Variants in TAFA2 observed in about 807,000 individuals in gnomAD.
The protein encoded by TAFA2 is chemokine-like protein TAFA-2.
In TAFA2, 7 loss-of-function variants were observed where a neutral mutation model predicts 18.8. The observed-to-expected ratio is 0.37, with a 90% CI of 0.21 to 0.70. The LOEUF (loss-of-function observed/expected upper bound fraction) is 0.70. TAFA2 is among the 30% of genes least tolerant of loss of function. TAFA2 has a pLI of 0.53. For missense variants in TAFA2, 122 were observed against 158.1 expected, an observed-to-expected ratio of 0.77 and a Z score of 1.23; for synonymous variants, 60 against 54.2, an observed-to-expected ratio of 1.11 and a Z score of -0.47.
At chr12:62,181,886 A>T (rs1379155567) in intron 1 of TAFA2, among the ~76,000 whole-genome samples, 1 of 152,182 alleles carries the variant, frequency 6.6e-6, no homozygotes, top group Non-Finnish European at 1.5e-5. Context: ...ATGGAAAGTT[A>T]TTTAAGATTA....
In TAFA2 at chr12:62,037,079, C is replaced by T. The variant is rs189294278; in HGVS notation, c.-2+154180G>A. Among the ~76,000 whole-genome samples, 44 of 152,272 alleles carry T rather than the reference C, an allele frequency of 2.9e-4. No individual in the cohort carries two copies. The East Asian group carries it at 7.9e-3, about 27-fold the overall frequency. ...CCTGGATGAGCTCCTAAAACATTTGCTATGTACCTGCTTATTTAAAGTAAG... is the reference window on the plus strand; with the variant it reads ...CCTGGATGAGCTCCTAAAACATTTGTTATGTACCTGCTTATTTAAAGTAAG... On this transcript the variant is annotated intron_variant, in intron 1 of 4. Coordinates refer to ENST00000416284, the MANE Select transcript of TAFA2 (RefSeq NM_178539.5).
intron 1 of TAFA2, among the ~76,000 whole-genome samples, chr12:62,232,673 G>A (rs148126630): frequency 2.6e-4 from 40 of 152,110 alleles, no homozygotes; most frequent in South Asian, 1.0e-3. Flanking sequence ...CATCATGCCC[G>A]GCTAATTTTT....
rs186310200 is a variant in TAFA2 at position 61,967,211 on chromosome 12, T to A, written c.-1-99785A>T. 2.0e-5 allele frequency among the ~76,000 whole-genome samples: 3 copies of A among 151,900 alleles called. No individual in the cohort carries two copies. The East Asian group carries it at 5.9e-4, about 30-fold the overall frequency. ...TACTTTTCTGTAACCAGGCAAAAATTAATTCAACCAAGAGATACTGATTCA... is the reference window on the plus strand; with the variant it reads ...TACTTTTCTGTAACCAGGCAAAAATAAATTCAACCAAGAGATACTGATTCA... On this transcript the variant is annotated intron_variant, in intron 1 of 4. Coordinates refer to ENST00000416284, the MANE Select transcript of TAFA2 (RefSeq NM_178539.5).
At chr12:61,985,349 C>T (rs1248836848) in intron 1 of TAFA2, among the ~76,000 whole-genome samples, 2 of 152,154 alleles carry the variant, frequency 1.3e-5, no homozygotes, top group East Asian at 3.9e-4. Flanking sequence ...CCATAAAGGA[C>T]AAACGATTAA....
intron 1 of TAFA2, among the ~76,000 whole-genome samples, chr12:62,133,371 C>T (rs1870765576): frequency 6.6e-6 from 1 of 151,952 alleles, no homozygotes; most frequent in Non-Finnish European, 1.5e-5. Context: ...AAGGTCAACT[C>T]AGTGAGCACA....
intron 4 of TAFA2, among the ~76,000 whole-genome samples, chr12:61,713,682 C>G (rs1346934777): frequency 6.6e-6 from 1 of 151,914 alleles, no homozygotes; most frequent in East Asian, 1.9e-4. Context: ...TATGCAAGGT[C>G]CAAATACTAT....
intron 1 of TAFA2, among the ~76,000 whole-genome samples, chr12:62,187,857 G>C (rs1422862979): frequency 6.6e-6 from 1 of 152,120 alleles, no homozygotes; most frequent in Non-Finnish European, 1.5e-5. Flanking sequence ...AAGACTAATG[G>C]TAACTCAGTG....
At chr12:61,714,197 G>C (rs938299874) in intron 4 of TAFA2, among the ~76,000 whole-genome samples, 14 of 152,138 alleles carry the variant, frequency 9.2e-5, no homozygotes, top group African/African-American at 3.4e-4. Context: ...CCCTATGATT[G>C]TTATGGTTAT....
chr12:62,170,411 A>T (rs1293866575), intron 1 of TAFA2, among the ~76,000 whole-genome samples: 1 of 152,188 alleles, frequency 6.6e-6, no homozygotes, highest in East Asian at 1.9e-4. Flanking sequence ...TTGCCAAGAC[A>T]TGAAAGAAAT....
intron 1 of TAFA2, among the ~76,000 whole-genome samples, chr12:62,132,715 G>C (rs187678495): frequency 6.6e-6 from 1 of 151,964 alleles, no homozygotes; most frequent in East Asian, 1.9e-4. Context: ...CAGGTGATAA[G>C]GCATGTTGCA....
chr12:61,754,254 T>C (rs564200943), intron 3 of TAFA2, among the ~76,000 whole-genome samples: 1 of 152,096 alleles, frequency 6.6e-6, no homozygotes, highest in Admixed American at 6.6e-5. Flanking sequence ...TTTTTAACTG[T>C]GTGCTATAAC....
intron 1 of TAFA2, among the ~76,000 whole-genome samples, chr12:62,008,874 G>A (rs1479435642): frequency 1.3e-5 from 2 of 152,178 alleles, no homozygotes; most frequent in Non-Finnish European, 2.9e-5. Flanking sequence ...AAAGAAAATT[G>A]TTGGGTCGAA....
intron 1 of TAFA2, among the ~76,000 whole-genome samples, chr12:62,037,706 C>A (rs574296432): frequency 6.6e-6 from 1 of 152,160 alleles, no homozygotes; most frequent in South Asian, 2.1e-4. Flanking sequence ...CAATGCACAC[C>A]AAAACTTAAG....
intron 1 of TAFA2, among the ~76,000 whole-genome samples, chr12:62,249,247 G>A (rs1225997445): frequency 1.4e-5 from 2 of 144,506 alleles, no homozygotes; most frequent in Admixed American, 7.2e-5. Context: ...AAACAACTTA[G>A]GGACTGCTCC....
intron 1 of TAFA2, among the ~76,000 whole-genome samples, chr12:61,934,783 T>C (rs1348959317): frequency 6.6e-6 from 1 of 152,192 alleles, no homozygotes; most frequent in African/African-American, 2.4e-5. Context: ...GTTTATCACA[T>C]AGTGAATCCA....
chr12:62,240,367 C>T (rs1410266765), intron 1 of TAFA2, among the ~76,000 whole-genome samples: 2 of 150,986 alleles, frequency 1.3e-5, no homozygotes, highest in African/African-American at 2.4e-5. Flanking sequence ...TGCAGTGAGC[C>T]GAGATAGCGC....
chr12:61,896,670 G>C (rs1875859489), intron 1 of TAFA2, among the ~76,000 whole-genome samples: 1 of 152,128 alleles, frequency 6.6e-6, no homozygotes, highest in Non-Finnish European at 1.5e-5. Context: ...TGATTTATTT[G>C]ATTTACTTTA....
chr12:61,977,243 G>A (rs1039135139), intron 1 of TAFA2, among the ~76,000 whole-genome samples: 4 of 151,980 alleles, frequency 2.6e-5, no homozygotes, highest in African/African-American at 9.7e-5. Context: ...GATGTGATCA[G>A]CATTTCAATT....
At chr12:62,103,867 A>T (rs1354097104) in intron 1 of TAFA2, among the ~76,000 whole-genome samples, 1 of 152,234 alleles carries the variant, frequency 6.6e-6, no homozygotes, top group African/African-American at 2.4e-5. Context: ...TTATTCAGGC[A>T]TTGCTCAGAC....
Sources: allele counts gnomAD v4.1 joint callset (sites outside exome capture counted in the v4.1 genomes callset), GRCh38; gene constraint gnomAD v4.1.1; transcripts MANE v1.5; gene names NCBI Gene and HGNC (gene_info 2026-07-23, HGNC 2026-07-21).